Variants in SLC2A14 observed in about 807,000 individuals in gnomAD.
SLC2A14 encodes solute carrier family 2, facilitated glucose transporter member 14.
SLC2A14 carries 13 observed loss-of-function variants against 43.0 expected under a neutral mutation model. The ratio of observed to expected loss-of-function variants is 0.30; its 90% confidence interval spans 0.20 to 0.48. The LOEUF (loss-of-function observed/expected upper bound fraction) is 0.48, where lower values mean the gene tolerates loss of function less well. Among genes scored for constraint, SLC2A14 ranks in the 20% least tolerant of loss-of-function variants. The pLI, the probability that SLC2A14 is intolerant of heterozygous loss-of-function variation, is 0.99. For missense variants in SLC2A14, 428 were observed against 620.4 expected (o/e 0.69, Z 3.29); for synonymous variants, 190 against 233.8 (o/e 0.81, Z 1.71).
intron 2 of SLC2A14, among the ~76,000 whole-genome samples, chr12:7,841,088 A>G (rs1273717734): frequency 6.6e-6 from 1 of 152,156 alleles, no homozygotes; most frequent in Non-Finnish European, 1.5e-5. Flanking sequence ...ATGGAGAGAG[A>G]CATATAAACA....
At chr12:7,848,766 G>A (rs987508632) in intron 2 of SLC2A14, among the ~76,000 whole-genome samples, 1 of 151,944 alleles carries the variant, frequency 6.6e-6, no homozygotes, top group Non-Finnish European at 1.5e-5. Flanking sequence ...ATGTTGGCCA[G>A]GATGGTCTCG....
At chr12:7,890,259 A>C (rs1309776661) in intron 1 of SLC2A14, among the ~76,000 whole-genome samples, 1 of 151,928 alleles carries the variant, frequency 6.6e-6, no homozygotes, top group Non-Finnish European at 1.5e-5. Flanking sequence ...GTTCTCTGCC[A>C]CAACTCCCTC....
At chr12:7,814,805 T>A (rs1266708329) in intron 10 of SLC2A14, among the ~76,000 whole-genome samples, 2 of 151,940 alleles carry the variant, frequency 1.3e-5, no homozygotes, top group African/African-American at 4.8e-5. Flanking sequence ...ATTATTATTA[T>A]TATTATTATT....
intron 2 of SLC2A14, among the ~76,000 whole-genome samples, chr12:7,869,058 C>T (rs1372243628): frequency 6.6e-6 from 1 of 151,624 alleles, no homozygotes; most frequent in Admixed American, 6.6e-5. Context: ...GCAGAAGAAT[C>T]GTTTGAACCC....
intron 2 of SLC2A14, among the ~76,000 whole-genome samples, chr12:7,858,951 T>C (rs1944398755): frequency 6.6e-6 from 1 of 152,188 alleles, no homozygotes; most frequent in Non-Finnish European, 1.5e-5. Flanking sequence ...AGCACTTTCA[T>C]CCATTCTGAG....
chr12:7,816,338 T>G lies in SLC2A14; in HGVS notation c.1275+1493A>C, dbSNP rs1413402672. ...CCAGGATGGTCTCGATCTCCTGACCTCATGATCCACCCGCCTCGGCCTCCC... is the reference window on the plus strand; with the variant it reads ...CCAGGATGGTCTCGATCTCCTGACCGCATGATCCACCCGCCTCGGCCTCCC... On this transcript the variant is annotated intron_variant, in intron 10 of 10. Coordinates refer to ENST00000431042, the MANE Select transcript of SLC2A14 (RefSeq NM_001286234.2). Among the ~76,000 whole-genome samples the G allele has an allele frequency of 4.0e-5, 2 of 49,418 alleles. 1 individual carries two copies. The highest frequency in any genetic ancestry group is 1.8e-4 in the African/African-American group (2 of 11,352). 32.4% of individuals were successfully genotyped at this position (49,418 alleles called of 152,430 possible).
chr12:7,840,830 A>T (rs192983380), intron 2 of SLC2A14, among the ~76,000 whole-genome samples: 1 of 152,292 alleles, frequency 6.6e-6, no homozygotes, highest in Admixed American at 6.5e-5. Context: ...GAAAAAAAGG[A>T]GTCAAGAATG....
intron 10 of SLC2A14, among the ~76,000 whole-genome samples, chr12:7,815,345 G>A (rs1349658934): frequency 6.6e-6 from 1 of 152,044 alleles, no homozygotes; most frequent in Non-Finnish European, 1.5e-5. Context: ...GATCCCAGGA[G>A]GCAGAGGTTG....
intron 1 of SLC2A14, chr12:7,871,112 C>G: frequency 2.2e-6 from 3 of 1,344,110 alleles, no homozygotes; most frequent in South Asian, 2.6e-5. Context: ...TTCACCACTT[C>G]CCTCACCATG....
chr12:7,868,852 C>T (rs777069566), intron 2 of SLC2A14, among the ~76,000 whole-genome samples: 1 of 151,962 alleles, frequency 6.6e-6, no homozygotes, highest in Admixed American at 6.6e-5. Flanking sequence ...TACAAAAATA[C>T]AAAAAAATTA....
intron 1 of SLC2A14, chr12:7,871,008 A>T: frequency 1.4e-6 from 2 of 1,437,156 alleles, no homozygotes. Flanking sequence ...TTCAATGACA[A>T]GGGGGACAGC....
At chr12:7,866,773 ATAACT>A (rs1944936450) in intron 2 of SLC2A14, among the ~76,000 whole-genome samples, 2 of 152,192 alleles carry the variant, frequency 1.3e-5, no homozygotes, top group African/African-American at 4.8e-5. Context: ...AGCTGTCCCT[ATAACT>A]TAAAAGTACA....
intron 2 of SLC2A14, among the ~76,000 whole-genome samples, chr12:7,866,945 T>G (rs75997176): frequency 7.2e-6 from 1 of 138,888 alleles, no homozygotes; most frequent in African/African-American, 2.8e-5. Flanking sequence ...ACTTTCATGG[T>G]TTTTTTTTTT....
upstream of SLC2A14, among the ~76,000 whole-genome samples, chr12:7,875,143 T>TATATTTAAAATTAAATATATATAA: frequency 7.3e-6 from 1 of 137,828 alleles, no homozygotes. Context: ...ATTTAAATAT[T>TATATTTAAAATTAAATATATATAA]ATATTTAAAA....
At chr12:7,875,513 A>G (rs1190462318), upstream of SLC2A14, among the ~76,000 whole-genome samples, 5 of 151,834 alleles carry the variant, frequency 3.3e-5, no homozygotes, top group Admixed American at 2.6e-4. Flanking sequence ...CTTTCAAAAA[A>G]AAAAAATTAA....
At chr12:7,876,280 C>CAAAAAAAAAAAAAAAAAAAA (rs59935166), upstream of SLC2A14, among the ~76,000 whole-genome samples, 2 of 68,208 alleles carry the variant, frequency 2.9e-5, no homozygotes, top group African/African-American at 5.8e-5. Context: ...AACTCCATCT[C>CAAAAAAAAAAAAAAAAAAAA]AAAAAAAAAA....
chr12:7,863,379 T>C (rs997056748), intron 2 of SLC2A14: 3 of 453,184 alleles, frequency 6.6e-6, no homozygotes, highest in African/African-American at 6.0e-5. Context: ...TGCGAGGGTG[T>C]GCGGCTTCAT....
At chr12:7,827,081 TTCTTTCTTTCTTTC>T (rs1254560803) in intron 7 of SLC2A14, among the ~76,000 whole-genome samples, 6 of 120,990 alleles carry the variant, frequency 5.0e-5, no homozygotes, top group Non-Finnish European at 8.9e-5. Context: ...CTCTCTTTCT[TTCTTTCTTTCTTTC>T]TCTTTCTTTC....
upstream of SLC2A14, among the ~76,000 whole-genome samples, chr12:7,874,811 CGTATTTATAT>C (rs1565584693): frequency 3.8e-3 from 32 of 8,418 alleles, 3 homozygotes; most frequent in South Asian, 0.023. Context: ...TATATAAATA[CGTATTTATAT>C]ATAAATTATA....
Sources: gnomAD v4.1 joint callset for allele counts (sites outside exome capture counted in the v4.1 genomes callset) on GRCh38, gnomAD v4.1.1 for gene constraint, MANE v1.5 for transcripts, NCBI Gene and HGNC (gene_info 2026-07-23, HGNC 2026-07-21) for gene names.